The following NXN variants were observed in gnomAD, a reference collection of about 807,000 sequenced individuals.
NXN encodes nucleoredoxin.
Under a neutral mutation model 48.6 loss-of-function variants are expected in NXN, and 16 were observed. That is an observed-to-expected ratio of 0.33 (90% CI 0.22 to 0.50). The LOEUF is 0.50. Among genes scored for constraint, NXN ranks in the 20% least tolerant of loss-of-function variants. NXN has a pLI of 0.98. For missense variants in NXN, 492 were observed against 605.5 expected, an observed-to-expected ratio of 0.81 and a Z score of 1.97; for synonymous variants, 281 against 269.6, an observed-to-expected ratio of 1.04 and a Z score of -0.41.
intron 1 of NXN, among the ~76,000 whole-genome samples, chr17:890,385 G>A (rs2068402912): frequency 6.6e-6 from 1 of 151,958 alleles, no homozygotes; most frequent in Admixed American, 6.6e-5. Context: ...TTTTCTTTTT[G>A]TTTTTTGAGA....
chr17:930,810 T>C (rs61635664), intron 1 of NXN, among the ~76,000 whole-genome samples: 41,441 of 150,950 alleles, frequency 0.27, 6,746 homozygotes, highest in East Asian at 0.43. Flanking sequence ...TCGCTCTGGT[T>C]GCCCAGGCTG....
chr17:800,834 T>G lies in NXN; in HGVS notation c.*115A>C. On this transcript the variant is annotated 3_prime_UTR_variant, in exon 8 of 8. Transcript: ENST00000336868. ...CAGAAACAAGGCACCACAGAGAGGC[T>G]GGACACTTGGGTGGTGGGATTCGGG... The G allele has an allele frequency of 1.6e-6, 1 of 613,136 alleles. No individual in the cohort carries two copies. The highest frequency in any genetic ancestry group is 2.5e-6 in the Non-Finnish European group (1 of 405,432). 38.0% of individuals were successfully genotyped at this position (613,136 alleles called of 1,614,324 possible).
At chr17:866,189 A>AT (rs955675716) in intron 1 of NXN, among the ~76,000 whole-genome samples, 119 of 149,832 alleles carry the variant, frequency 7.9e-4, no homozygotes, top group African/African-American at 8.8e-4. Flanking sequence ...AAGATATTAG[A>AT]TTTTTTTTTT....
intron 1 of NXN, among the ~76,000 whole-genome samples, chr17:870,495 C>T (rs1046292473): frequency 1.3e-5 from 2 of 152,042 alleles, no homozygotes; most frequent in Admixed American, 1.3e-4. Context: ...GTAATCCTAG[C>T]ACCTTGGGAG....
intron 1 of NXN, among the ~76,000 whole-genome samples, chr17:967,957 G>A (rs905731287): frequency 6.6e-6 from 1 of 151,414 alleles, no homozygotes; most frequent in Non-Finnish European, 1.5e-5. Context: ...AGGCGACAGA[G>A]CGAGACTCCG....
At chr17:871,423 G>A in intron 1 of NXN, among the ~76,000 whole-genome samples, 1 of 39,406 alleles carries the variant, frequency 2.5e-5, no homozygotes, top group Admixed American at 2.3e-4. Flanking sequence ...TTTTTTTTTT[G>A]AGATGGATTC....
In NXN at chr17:958,426, C is replaced by T. The variant is rs527480190; in HGVS notation, c.360+20893G>A. Among the ~76,000 whole-genome samples, 11 of 152,286 alleles carry T rather than the reference C, an allele frequency of 7.2e-5. No individual in the cohort carries two copies. The highest frequency in any genetic ancestry group is 5.8e-4 in the East Asian group (3 of 5,182). On this transcript the variant is annotated intron_variant, in intron 1 of 7. Coordinates refer to ENST00000336868, the MANE Select transcript of NXN (RefSeq NM_022463.5). The surrounding 1 kb of genome is among the most constrained non-coding windows in gnomAD (Gnocchi z 6.9). ...CCTGGGAAGGCTGAAACAGGAGGATCGCTTGAGGCCAGGCGTTCAAAACCA... is the reference window on the plus strand; with the variant it reads ...CCTGGGAAGGCTGAAACAGGAGGATTGCTTGAGGCCAGGCGTTCAAAACCA...
Position 979,459 on chromosome 17 carries a change from C to G in NXN, c.220G>C (p.Ala74Pro). 1 of 1,212,940 alleles carries G rather than the reference C, an allele frequency of 8.2e-7. No individual in the cohort carries two copies. The highest frequency in any genetic ancestry group is 1.0e-6 in the Non-Finnish European group (1 of 971,524). 75.1% of individuals were successfully genotyped at this position (1,212,940 alleles called of 1,614,324 possible). Reference sequence around the variant, plus strand: ...GGCTCGGGCTCCGCCGCCGCCCCGGCCCCCGCTCCCGGCCCCGGCCCGGCC... The same window carrying G: ...GGCTCGGGCTCCGCCGCCGCCCCGGGCCCCGCTCCCGGCCCCGGCCCGGCC... ...AAAGPGPGAG[A>P]GAAAEPEPRR... Residue 74 changes from alanine to proline, a missense_variant, in exon 1 of 8, where the codon GCC becomes CCC. This residue lies in a region of NXN where 186 missense variants were observed against 199.1 expected (regional missense o/e 0.93). Coordinates refer to ENST00000336868, the MANE Select transcript of NXN (RefSeq NM_022463.5).
At chr17:951,485 C>T (rs573837804) in intron 1 of NXN, among the ~76,000 whole-genome samples, 8 of 150,032 alleles carry the variant, frequency 5.3e-5, no homozygotes, top group South Asian at 2.1e-4. Flanking sequence ...GAGATGCTCA[C>T]GCTCTCTTTT....
At chr17:855,047 C>A (rs935153436) in intron 1 of NXN, among the ~76,000 whole-genome samples, 2 of 151,942 alleles carry the variant, frequency 1.3e-5, no homozygotes, top group East Asian at 1.9e-4. Flanking sequence ...GAGGCCAAGG[C>A]GGGAGGGTCA....
intron 1 of NXN, among the ~76,000 whole-genome samples, chr17:891,198 C>T (rs969124750): frequency 2.0e-5 from 3 of 152,112 alleles, no homozygotes; most frequent in Non-Finnish European, 4.4e-5. Context: ...CCTCAGCCTC[C>T]CGAATGGCTG....
rs1427012409 is a variant in NXN, at chr17:978,814, C to A, written c.360+505G>T. ...AAGAAAGGAAACGCGCTGGTTTGGG[C>A]GCCACGGGCGGGGGGCGTGCGCCCT... On this transcript the variant is annotated intron_variant, in intron 1 of 7. Coordinates refer to ENST00000336868, the MANE Select transcript of NXN (RefSeq NM_022463.5). The surrounding 1 kb of genome is among the most constrained non-coding windows in gnomAD (Gnocchi z 4.1). 2.6e-5 allele frequency among the ~76,000 whole-genome samples: 4 copies of A among 151,940 alleles called. No individual in the cohort carries two copies. The highest frequency in any genetic ancestry group is 5.9e-5 in the Non-Finnish European group (4 of 67,942).
chr17:851,367 A>G (rs1305396390), intron 1 of NXN, among the ~76,000 whole-genome samples: 1 of 152,230 alleles, frequency 6.6e-6, no homozygotes, highest in African/African-American at 2.4e-5. Context: ...GACGGGAGAG[A>G]AGATGCTTAG....
chr17:910,786 CTT>C (rs2068628735), intron 1 of NXN: 1 of 152,146 alleles, frequency 6.6e-6, no homozygotes, highest in Non-Finnish European at 1.5e-5. Context: ...TTCAAAATGA[CTT>C]TTCCACAGTG....
At chr17:812,327 C>G (rs972587563) in intron 5 of NXN, among the ~76,000 whole-genome samples, 3 of 152,196 alleles carry the variant, frequency 2.0e-5, no homozygotes, top group Non-Finnish European at 4.4e-5. Flanking sequence ...CAGTGTAAGT[C>G]CAAAGACAGG....
chr17:831,594 G>A (rs1208983084), intron 1 of NXN, among the ~76,000 whole-genome samples: 1 of 151,920 alleles, frequency 6.6e-6, no homozygotes, highest in South Asian at 2.1e-4. Flanking sequence ...CCACCTCCCA[G>A]GTTCAAGCAA....
chr17:896,167 T>G (rs903289634), intron 1 of NXN, among the ~76,000 whole-genome samples: 6 of 151,894 alleles, frequency 4.0e-5, no homozygotes, highest in Non-Finnish European at 4.4e-5. Flanking sequence ...GGAGAAACCC[T>G]GTCCCTACTA....
At chr17:847,459 C>A (rs1198233954) in intron 1 of NXN, among the ~76,000 whole-genome samples, 4 of 152,100 alleles carry the variant, frequency 2.6e-5, no homozygotes. Flanking sequence ...CGGAGCCTGG[C>A]ACGTGAAGGC....
chr17:976,469 A>AC (rs372491548), intron 1 of NXN, among the ~76,000 whole-genome samples: 1 of 152,192 alleles, frequency 6.6e-6, no homozygotes, highest in African/African-American at 2.4e-5. Flanking sequence ...GTTAATGAGA[A>AC]TTTAAAAAAA....
Sources: allele counts gnomAD v4.1 joint callset (sites outside exome capture counted in the v4.1 genomes callset), GRCh38; gene constraint gnomAD v4.1.1; regional missense constraint gnomAD v4.1.1; non-coding constraint Gnocchi (gnomAD v3.1); transcripts MANE v1.5; gene names NCBI Gene and HGNC (gene_info 2026-07-23, HGNC 2026-07-21).